SYNE2: variants seen among roughly 807,000 people sequenced by gnomAD.
The protein encoded by SYNE2 is nesprin-2.
In SYNE2, 431 loss-of-function variants were observed where a neutral mutation model predicts 856.3. The ratio of observed to expected loss-of-function variants is 0.50; its 90% CI spans 0.47 to 0.55. SYNE2 has a LOEUF of 0.55. Among genes scored for constraint, SYNE2 ranks in the 20% least tolerant of loss-of-function variants. The pLI, the probability that SYNE2 is intolerant of heterozygous loss-of-function variation, is 0.00. For synonymous variants in SYNE2, 2,923 were observed against 2,872.3 expected, an observed-to-expected ratio of 1.02 and a Z score of -0.56; for missense variants, 8,129 against 8,023.2, an observed-to-expected ratio of 1.01 and a Z score of -0.50.
chr14:64,220,416 CAT>C lies in SYNE2; in HGVS notation c.19861-20_19861-19del. On this transcript the variant is annotated intron_variant, in intron 110 of 115. Coordinates refer to ENST00000555002, the MANE Select transcript of SYNE2 (RefSeq NM_182914.3). ...TCCCTACTTTCAGAGCTCCTAACCT[CAT>C]CTTTTCTCTCTCTGGTAGGAGATAC... 6.2e-7 allele frequency: 1 copy of C among 1,613,804 alleles called. No individual in the cohort carries two copies. Among genetic ancestry groups the C allele is most frequent in the Non-Finnish European group, 8.5e-7 (1 of 1,179,658 alleles).
chr14:64,142,653 C>T (rs1456156776), intron 82 of SYNE2, among the ~76,000 whole-genome samples: 1 of 152,152 alleles, frequency 6.6e-6, no homozygotes, highest in East Asian at 1.9e-4. Context: ...TTGCCTGTCT[C>T]CCCACCTTGA....
At chr14:64,097,608 G>A (rs1347802567) in intron 61 of SYNE2, among the ~76,000 whole-genome samples, 1 of 152,248 alleles carries the variant, frequency 6.6e-6, no homozygotes, top group Non-Finnish European at 1.5e-5. Flanking sequence ...TCTCAGTCCT[G>A]TAGCTGGCCA....
chr14:64,087,737 C>A lies in SYNE2; in HGVS notation c.11551C>A (p.Leu3851Met). The change falls in exon 58 of 116, where the codon CTG becomes ATG. Residue 3851 changes from leucine (L) to methionine (M), a missense_variant. By Grantham distance (15) the Leu-to-Met change is conservative. Transcript: ENST00000555002. ...TTCAATCTTTATGGATCTAGAAGACCTGTCAATAATTTTTGAAACAGATGA... is the reference window on the plus strand; with the variant it reads ...TTCAATCTTTATGGATCTAGAAGACATGTCAATAATTTTTGAAACAGATGA... ...LHSIFMDLED[L>M]SIIFETDELT... The A allele has an allele frequency of 1.2e-6, 2 of 1,614,052 alleles. No individual in the cohort carries two copies. The highest frequency in any genetic ancestry group is 1.7e-6 in the Non-Finnish European group (2 of 1,179,990).
chr14:63,812,764 GA>G (rs1888662591), intron 1 of SYNE2, among the ~76,000 whole-genome samples: 1 of 152,124 alleles, frequency 6.6e-6, no homozygotes, highest in Non-Finnish European at 1.5e-5. Flanking sequence ...TGCAACAGTT[GA>G]CTTTAAGGAA....
In SYNE2 at chr14:63,981,191, G is replaced by A; in HGVS notation, c.1836+18G>A. ...TTAAAGAGGTATTTGCAGTCTAATA[G>A]CATCTGCTCAATTTTATTTTTTAAT... On this transcript the variant is annotated intron_variant, in intron 16 of 115. Transcript: ENST00000555002. The A allele has an allele frequency of 6.3e-7, 1 of 1,584,628 alleles. No homozygotes were observed. Among genetic ancestry groups the A allele is most frequent in the Non-Finnish European group, 8.7e-7 (1 of 1,153,662 alleles).
At chr14:63,869,419 T>G (rs1439841443) in intron 1 of SYNE2, among the ~76,000 whole-genome samples, 1 of 151,862 alleles carries the variant, frequency 6.6e-6, no homozygotes, top group Non-Finnish European at 1.5e-5. Flanking sequence ...GTCAGGAGTT[T>G]GAGACCAGCC....
intron 54 of SYNE2, among the ~76,000 whole-genome samples, chr14:64,078,028 T>A (rs974718808): frequency 1.3e-5 from 2 of 151,984 alleles, no homozygotes; most frequent in Non-Finnish European, 2.9e-5. Flanking sequence ...AGCTTGAGAG[T>A]AAGTTTGGTT....
intron 102 of SYNE2, 145 bp from the exon 103 acceptor site, chr14:64,209,797 G>A (rs2098630372): frequency 1.7e-6 from 2 of 1,197,292 alleles, no homozygotes; most frequent in East Asian, 5.0e-5. Flanking sequence ...TCTGTAGCTG[G>A]CATCAGGACT....
chr14:63,802,999 T>C (rs1048678641), intron 1 of SYNE2, among the ~76,000 whole-genome samples: 3 of 152,066 alleles, frequency 2.0e-5, no homozygotes, highest in Non-Finnish European at 2.9e-5. Flanking sequence ...ACTTCCACAG[T>C]GTGGAAGGGC....
intron 11 of SYNE2, among the ~76,000 whole-genome samples, chr14:63,974,671 A>AT (rs2153462625): frequency 6.7e-6 from 1 of 148,676 alleles, no homozygotes; most frequent in African/African-American, 2.5e-5. Flanking sequence ...CGATTCTCCT[A>AT]TTTCAGCCTC....
intron 23 of SYNE2, among the ~76,000 whole-genome samples, chr14:63,996,346 C>G (rs891345160): frequency 1.3e-5 from 2 of 152,194 alleles, no homozygotes; most frequent in African/African-American, 4.8e-5. Flanking sequence ...ATCTCATCTT[C>G]CGTACCAGCA....
intron 8 of SYNE2, among the ~76,000 whole-genome samples, chr14:63,960,464 T>C (rs2096295563): frequency 6.6e-6 from 1 of 152,184 alleles, no homozygotes. Flanking sequence ...GCTGAATGAA[T>C]AGAGGGTTGA....
At position 64,219,096 on chromosome 14, in the gene SYNE2, G is replaced by GTTTTT; in HGVS notation, c.19658-109_19658-105dup. 134 of 758,344 alleles carry GTTTTT rather than the reference G, an allele frequency of 1.8e-4. 2 individuals are homozygous for GTTTTT. Among genetic ancestry groups the GTTTTT allele is most frequent in the South Asian group, 5.7e-4 (33 of 58,112 alleles). The allele number at this position is 758,344 out of a possible 1,614,324, so 47.0% of individuals were successfully genotyped here. On this transcript the variant is annotated intron_variant, in intron 109 of 115. Transcript: ENST00000555002. Reference sequence around the variant, plus strand: ...CCTTCTGTCAGGGGAATCCCCTACAGTTTTTTTGTTTTTTTTTTTTTTTTT... The same window carrying GTTTTT: ...CCTTCTGTCAGGGGAATCCCCTACAGTTTTTTTTTTTTGTTTTTTTTTTTTTTTTT...
At chr14:63,786,908 A>G (rs934009233) in intron 1 of SYNE2, among the ~76,000 whole-genome samples, 1 of 152,040 alleles carries the variant, frequency 6.6e-6, no homozygotes, top group African/African-American at 2.4e-5. Flanking sequence ...GACTACAGGC[A>G]TGTTCCACCA....
chr14:63,920,975 C>T (rs1167182811), intron 2 of SYNE2, among the ~76,000 whole-genome samples: 1 of 151,878 alleles, frequency 6.6e-6, no homozygotes, highest in Non-Finnish European at 1.5e-5. Flanking sequence ...ATTAGCTGGG[C>T]GTGTTGGCAT....
intron 41 of SYNE2, 35 bp downstream of exon 41, chr14:64,025,456 G>C: frequency 6.3e-7 from 1 of 1,591,180 alleles, no homozygotes; most frequent in Non-Finnish European, 8.6e-7. Flanking sequence ...AGAAGTCTGA[G>C]TGAACTCTAG....
intron 58 of SYNE2, among the ~76,000 whole-genome samples, chr14:64,089,026 A>G (rs2097584421): frequency 6.6e-6 from 1 of 152,174 alleles, no homozygotes; most frequent in Admixed American, 6.5e-5. Flanking sequence ...TGAAGATATC[A>G]CTATAAACAG....
intron 92 of SYNE2, among the ~76,000 whole-genome samples, chr14:64,168,246 G>C (rs1866121280): frequency 6.6e-6 from 1 of 152,144 alleles, no homozygotes; most frequent in African/African-American, 2.4e-5. Flanking sequence ...TGGGACTATA[G>C]GCATGTGCCA....
chr14:64,104,446 C>CTTTTTTTTTT (rs34102150), intron 64 of SYNE2, among the ~76,000 whole-genome samples: 3 of 118,804 alleles, frequency 2.5e-5, no homozygotes, highest in Non-Finnish European at 5.0e-5. Flanking sequence ...CCTGTTTTCT[C>CTTTTTTTTTT]TTTTTTTTTT....
Sources: allele counts gnomAD v4.1 joint callset (sites outside exome capture counted in the v4.1 genomes callset), GRCh38; gene constraint gnomAD v4.1.1; transcripts MANE v1.5; gene names NCBI Gene and HGNC (gene_info 2026-07-23, HGNC 2026-07-21).